Variants in SUGCT observed in about 807,000 individuals in gnomAD.
SUGCT encodes succinyl-CoA:glutarate-CoA transferase.
In SUGCT, 41 loss-of-function variants were observed where a neutral mutation model predicts 55.0. That is an observed-to-expected ratio of 0.74 (90% confidence interval 0.58 to 0.97). The LOEUF (loss-of-function observed/expected upper bound fraction) is 0.97. SUGCT is among the 50% of genes least tolerant of loss of function. The pLI, the probability that SUGCT is intolerant of heterozygous loss-of-function variation, is 0.00. For missense variants in SUGCT, 568 were observed against 547.8 expected, an observed-to-expected ratio of 1.04 and a Z score of -0.37; for synonymous variants, 187 against 200.4, an observed-to-expected ratio of 0.93 and a Z score of 0.56.
intron 1 of SUGCT, among the ~76,000 whole-genome samples, chr7:40,146,734 TCA>T (rs1788268574): frequency 1.3e-5 from 2 of 152,356 alleles, no homozygotes; most frequent in South Asian, 4.1e-4. Context: ...ATCAAGGCCA[TCA>T]CGAGCATGTC....
intron 11 of SUGCT, among the ~76,000 whole-genome samples, chr7:40,487,088 T>G (rs1791408574): frequency 7.2e-6 from 1 of 137,980 alleles, no homozygotes; most frequent in African/African-American, 2.6e-5. Context: ...CTTTTTTTTT[T>G]TTTTTTTTTT....
chr7:40,424,277 A>T (rs1787468897), intron 9 of SUGCT, among the ~76,000 whole-genome samples: 1 of 152,178 alleles, frequency 6.6e-6, no homozygotes, highest in Non-Finnish European at 1.5e-5. Flanking sequence ...TGAGATGGTG[A>T]CAAAAGTATT....
chr7:40,246,599 CT>C (rs113716606), intron 7 of SUGCT, among the ~76,000 whole-genome samples: 58,978 of 137,102 alleles, frequency 0.43, 11,901 homozygotes, highest in African/African-American at 0.52. Flanking sequence ...TGAAGGCTTG[CT>C]TTTTTTTTTT....
chr7:40,566,157 T>C (rs1442983109), intron 12 of SUGCT, among the ~76,000 whole-genome samples: 1 of 152,034 alleles, frequency 6.6e-6, no homozygotes, highest in Non-Finnish European at 1.5e-5. Context: ...TCTTATCTTC[T>C]CCCCAGCACA....
intron 12 of SUGCT, among the ~76,000 whole-genome samples, chr7:40,509,308 T>C (rs1376982809): frequency 6.6e-6 from 1 of 152,202 alleles, no homozygotes; most frequent in African/African-American, 2.4e-5. Flanking sequence ...ACTATGACTT[T>C]CATTACCCTA....
the SUGCT span, among the ~76,000 whole-genome samples, chr7:40,936,585 A>G: frequency 1.3e-5 from 2 of 151,362 alleles, no homozygotes; most frequent in Non-Finnish European, 1.5e-5. Flanking sequence ...AATATTTTCT[A>G]TTCTCTATTT....
intron 8 of SUGCT, among the ~76,000 whole-genome samples, chr7:40,294,606 T>A (rs1388148258): frequency 6.6e-6 from 1 of 152,022 alleles, no homozygotes; most frequent in African/African-American, 2.4e-5. Flanking sequence ...TGCAGTGGCA[T>A]TGTGATCTCG....
At chr7:40,880,597 A>G in the SUGCT span, among the ~76,000 whole-genome samples, 2 of 152,216 alleles carry the variant, frequency 1.3e-5, no homozygotes, top group Non-Finnish European at 2.9e-5. Flanking sequence ...TCAAAATGCC[A>G]TGTTGAATCA....
chr7:40,738,157 A>G (rs897468813), intron 12 of SUGCT, among the ~76,000 whole-genome samples: 2 of 150,022 alleles, frequency 1.3e-5, no homozygotes, highest in Non-Finnish European at 3.0e-5. Context: ...AGATCACAGC[A>G]CTGCACTCCA....
intron 9 of SUGCT, among the ~76,000 whole-genome samples, chr7:40,415,330 T>C (rs985121360): frequency 6.6e-6 from 1 of 151,602 alleles, no homozygotes; most frequent in Admixed American, 6.6e-5. Flanking sequence ...GCAATGCTAT[T>C]TTAGTATTGT....
intron 5 of SUGCT, among the ~76,000 whole-genome samples, chr7:40,192,970 T>C (rs1436845336): frequency 7.6e-6 from 1 of 131,782 alleles, no homozygotes; most frequent in Non-Finnish European, 1.7e-5. Context: ...TGTAGTAGTG[T>C]TTTTTTTTTT....
At chr7:40,285,880 GAAT>G (rs773875343) in intron 8 of SUGCT, among the ~76,000 whole-genome samples, 9 of 152,104 alleles carry the variant, frequency 5.9e-5, no homozygotes, top group Non-Finnish European at 1.2e-4. Context: ...TTTTCTAGAT[GAAT>G]AATAGTTAAA....
At chr7:40,139,000 G>A (rs56950889) in intron 1 of SUGCT, among the ~76,000 whole-genome samples, 4,998 of 152,070 alleles carry the variant, frequency 0.033, 262 homozygotes, top group African/African-American at 0.11. Flanking sequence ...CAGGCTGGGC[G>A]TGGTGGCTTA....
At chr7:40,454,796 GT>G (rs1562789784) in intron 10 of SUGCT, among the ~76,000 whole-genome samples, 1 of 152,106 alleles carries the variant, frequency 6.6e-6, no homozygotes, top group Admixed American at 6.5e-5. Flanking sequence ...AAATAAAGAT[GT>G]TCTGTATAAA....
At chr7:40,282,086 G>T (rs530374999) in intron 8 of SUGCT, among the ~76,000 whole-genome samples, 1 of 151,678 alleles carries the variant, frequency 6.6e-6, no homozygotes, top group Non-Finnish European at 1.5e-5. Flanking sequence ...ATGAGCCACC[G>T]CACCCAGCCT....
the SUGCT span, among the ~76,000 whole-genome samples, chr7:40,985,966 T>G: frequency 6.6e-6 from 1 of 152,188 alleles, no homozygotes; most frequent in Non-Finnish European, 1.5e-5. Flanking sequence ...GAAATTTCAT[T>G]AGGAATAATT....
chr7:40,339,258 C>G (rs762448408), intron 9 of SUGCT, among the ~76,000 whole-genome samples: 7 of 152,190 alleles, frequency 4.6e-5, no homozygotes, highest in Non-Finnish European at 1.0e-4. Context: ...GGGAGAACCA[C>G]TGTTCTCTTC....
At chr7:40,456,994 A>G (rs1789524139) in intron 10 of SUGCT, among the ~76,000 whole-genome samples, 1 of 152,022 alleles carries the variant, frequency 6.6e-6, no homozygotes, top group Admixed American at 6.6e-5. Flanking sequence ...AGTTTTTATT[A>G]TCATGGGTCT....
chr7:40,685,513 A>G (rs979523477), intron 12 of SUGCT, among the ~76,000 whole-genome samples: 1 of 152,152 alleles, frequency 6.6e-6, no homozygotes, highest in Admixed American at 6.5e-5. Context: ...TCTTTATCCC[A>G]TCTTTATCTT....
Sources: gnomAD v4.1 joint callset for allele counts (sites outside exome capture counted in the v4.1 genomes callset) on GRCh38, gnomAD v4.1.1 for gene constraint, MANE v1.5 for transcripts, NCBI Gene and HGNC (gene_info 2026-07-23, HGNC 2026-07-21) for gene names.